Variants in ESR1 observed in about 807,000 individuals in gnomAD.
The protein encoded by ESR1 is estrogen receptor.
ESR1 carries 12 observed loss-of-function variants against 52.7 expected under a neutral mutation model. The ratio of observed to expected loss-of-function variants is 0.23; its 90% CI spans 0.15 to 0.37. The LOEUF (loss-of-function observed/expected upper bound fraction) is 0.37, where lower values mean the gene tolerates loss of function less well. Ranked by LOEUF, ESR1 falls within the 10% of genes least tolerant of loss-of-function variation. ESR1 has a pLI of 1.00. For synonymous variants in ESR1, 305 were observed against 316.8 expected (o/e 0.96, Z 0.39); for missense variants, 584 against 779.7 (o/e 0.75, Z 2.99).
intron 2 of ESR1, among the ~76,000 whole-genome samples, chr6:151,857,689 T>C (rs1385369363): frequency 6.6e-6 from 1 of 152,004 alleles, no homozygotes; most frequent in Non-Finnish European, 1.5e-5. Flanking sequence ...CCACCATGCC[T>C]GGCTAATTTT....
chr6:152,027,871 C>T (rs187071445), intron 5 of ESR1, among the ~76,000 whole-genome samples: 27 of 152,134 alleles, frequency 1.8e-4, no homozygotes, highest in Non-Finnish European at 2.8e-4. Flanking sequence ...GGGGCGGGTG[C>T]GGTGGCTCAT....
At chr6:151,815,125 A>G (rs1329389765) in intron 1 of ESR1, among the ~76,000 whole-genome samples, 1 of 152,236 alleles carries the variant, frequency 6.6e-6, no homozygotes, top group Non-Finnish European at 1.5e-5. Flanking sequence ...CATTGTCAGA[A>G]ACATAGTTGA....
At chr6:151,775,286 G>C (rs1238224014) in intron 2 of ESR1, among the ~76,000 whole-genome samples, 1 of 152,112 alleles carries the variant, frequency 6.6e-6, no homozygotes, top group Admixed American at 6.5e-5. Flanking sequence ...TCAGATTTTG[G>C]AATATTTTCA....
At chr6:152,096,617 C>T (rs1189043710) in intron 7 of ESR1, 1 of 455,638 alleles carries the variant, frequency 2.2e-6, no homozygotes, top group Non-Finnish European at 4.4e-6. Context: ...GTGAATTCGG[C>T]TTCTACTTGG....
intron 3 of ESR1, among the ~76,000 whole-genome samples, chr6:151,941,427 C>T (rs937802423): frequency 2.0e-5 from 3 of 152,152 alleles, no homozygotes; most frequent in African/African-American, 7.2e-5. Flanking sequence ...AAATACAAGT[C>T]AGAACTTATC....
At chr6:152,055,190 G>A (rs954791716) in intron 5 of ESR1, among the ~76,000 whole-genome samples, 1 of 152,000 alleles carries the variant, frequency 6.6e-6, no homozygotes, top group African/African-American at 2.4e-5. Flanking sequence ...CATCTCCTTT[G>A]GATATATACC....
chr6:151,877,116 T>C (rs1791969464), intron 2 of ESR1, among the ~76,000 whole-genome samples: 2 of 152,154 alleles, frequency 1.3e-5, no homozygotes, highest in African/African-American at 4.8e-5. Context: ...ATTTCTTCTT[T>C]TTTTTTTATT....
rs115809037 is a variant in ESR1, at chr6:151,940,938, A to C, written c.761-3235A>C. Among the ~76,000 whole-genome samples the C allele has an allele frequency of 5.2e-3, 791 of 152,312 alleles. 10 individuals are homozygous for C. Among genetic ancestry groups the C allele is most frequent in the African/African-American group, 0.018 (748 of 41,564 alleles). On this transcript the variant is annotated intron_variant, in intron 3 of 7. Transcript: ENST00000206249. ...ACTGCCAATATCAGTTTCTGAATTG[A>C]TTCTAAAATTCTTCTGCTGGAAAGT...
intron 4 of ESR1, among the ~76,000 whole-genome samples, chr6:151,950,831 T>C (rs1368541995): frequency 6.9e-6 from 1 of 145,924 alleles, no homozygotes; most frequent in African/African-American, 2.5e-5. Context: ...GCCACCTAGT[T>C]TTTGATACTT....
intron 2 of ESR1, among the ~76,000 whole-genome samples, chr6:151,846,675 G>T (rs1419453270): frequency 6.6e-6 from 1 of 152,210 alleles, no homozygotes. Context: ...CCACTACTTA[G>T]TGTACAAACT....
chr6:151,710,541 A>C (rs1336239252), intron 2 of ESR1, among the ~76,000 whole-genome samples: 1 of 152,182 alleles, frequency 6.6e-6, no homozygotes, highest in Non-Finnish European at 1.5e-5. Flanking sequence ...AATTTATATA[A>C]AGAAAAGGTC....
At chr6:151,734,221 C>G (rs1229527768) in intron 2 of ESR1, among the ~76,000 whole-genome samples, 1 of 152,120 alleles carries the variant, frequency 6.6e-6, no homozygotes, top group Non-Finnish European at 1.5e-5. Context: ...GCTACTGGGC[C>G]ATGCAACAGG....
chr6:151,786,698 A>T (rs76418571), intron 2 of ESR1, among the ~76,000 whole-genome samples: 13,465 of 149,488 alleles, frequency 0.09, 784 homozygotes, highest in African/African-American at 0.17. Flanking sequence ...TCTGGTAGGC[A>T]TTGAATGTGT....
At chr6:152,055,547 C>T (rs1562732043) in intron 5 of ESR1, among the ~76,000 whole-genome samples, 1 of 152,188 alleles carries the variant, frequency 6.6e-6, no homozygotes, top group African/African-American at 2.4e-5. Context: ...TACTTTTCAT[C>T]GCTTAATATT....
exon 7 of ESR1, chr6:152,127,812 G>A (rs1585517001): frequency 6.6e-6 from 1 of 152,138 alleles, no homozygotes; most frequent in South Asian, 2.1e-4. Flanking sequence ...TTATAGTGAG[G>A]CCCTAGTGTA....
intron 3 of ESR1, among the ~76,000 whole-genome samples, chr6:151,926,843 C>CT (rs1051095334): frequency 5.9e-5 from 9 of 151,872 alleles, no homozygotes; most frequent in African/African-American, 2.2e-4. Context: ...TCTTTTATTT[C>CT]TTTTTTTGCC....
intron 2 of ESR1, among the ~76,000 whole-genome samples, chr6:151,715,590 A>G (rs552739801): frequency 1.3e-5 from 2 of 152,212 alleles, no homozygotes; most frequent in East Asian, 3.9e-4. Context: ...GTTGATCTTC[A>G]ATCTCTGATA....
intron 2 of ESR1, among the ~76,000 whole-genome samples, chr6:151,734,597 G>T (rs1261723444): frequency 1.3e-5 from 2 of 151,958 alleles, no homozygotes; most frequent in African/African-American, 4.8e-5. Context: ...GCATCTTGCT[G>T]CTCCCTGTAT....
intron 2 of ESR1, among the ~76,000 whole-genome samples, chr6:151,867,414 T>TACAC (rs34943625): frequency 0.037 from 5,497 of 147,514 alleles, 106 homozygotes; most frequent in African/African-American, 0.056. Context: ...TCAACAAATT[T>TACAC]ACACACACAC....
Sources: gnomAD v4.1 joint callset for allele counts (sites outside exome capture counted in the v4.1 genomes callset) on GRCh38, gnomAD v4.1.1 for gene constraint, MANE v1.5 for transcripts, NCBI Gene and HGNC (gene_info 2026-07-23, HGNC 2026-07-21) for gene names.